Variants in ZNF280C observed in about 807,000 individuals in gnomAD.
ZNF280C encodes the protein suppressor of hairy wing homolog 3.
In ZNF280C, 14 loss-of-function variants were observed where a neutral mutation model predicts 53.6. The ratio of observed to expected loss-of-function variants is 0.26; its 90% CI spans 0.17 to 0.41. The LOEUF (loss-of-function observed/expected upper bound fraction) is 0.41. ZNF280C is among the 10% of genes least tolerant of loss of function. The probability of loss-of-function intolerance (pLI) is 1.00; values close to 1 mark genes in which losing one functional copy is unlikely to be tolerated. For synonymous variants in ZNF280C, 203 were observed against 181.1 expected (o/e 1.12, Z -0.97); for missense variants, 416 against 547.1 (o/e 0.76, Z 2.39).
intron 8 of ZNF280C, among the ~76,000 whole-genome samples, chrX:130,232,463 C>A (rs2032288037): frequency 9.2e-6 from 1 of 109,285 alleles, no homozygotes; most frequent in African/African-American, 3.3e-5. Context: ...GGGTTAAAAT[C>A]CAAAATATAT....
At chrX:130,225,562 C>T (rs2038977792) in intron 12 of ZNF280C, among the ~76,000 whole-genome samples, 1 of 108,283 alleles carries the variant, frequency 9.2e-6, no homozygotes, top group African/African-American at 3.4e-5. Context: ...TTACCAGGAA[C>T]AAGTTAAGAG....
intron 15 of ZNF280C, among the ~76,000 whole-genome samples, chrX:130,211,382 A>G (rs2032038927): frequency 8.9e-6 from 1 of 112,315 alleles, no homozygotes; most frequent in Non-Finnish European, 1.9e-5. Flanking sequence ...GAATATGAAG[A>G]GCCTATACAT....
At chrX:130,221,770 G>GC (rs1237224363) in intron 12 of ZNF280C, among the ~76,000 whole-genome samples, 2 of 111,590 alleles carry the variant, frequency 1.8e-5, no homozygotes, top group Non-Finnish European at 3.8e-5. Context: ...GCGGACTCTT[G>GC]CAAGAGCCTC....
Position 130,236,619 on chromosome X carries a change from C to T in ZNF280C, c.514G>A (p.Val172Met). The T allele has an allele frequency of 8.5e-7, 1 of 1,171,692 alleles. No homozygotes were observed. The part of the protein sequence containing the change: ...FREGMKNTSY[V>M]LKHPSTSKVN... Reference sequence around the variant, plus strand: ...TTAGAAGTAGAAGGATGTTTCAACACATATGAAGTATTTTTCATACCTACA... The same window carrying T: ...TTAGAAGTAGAAGGATGTTTCAACATATATGAAGTATTTTTCATACCTACA... Residue 172 changes from valine to methionine, a missense_variant, in exon 7 of 19, where the codon GTG becomes ATG. Val to Met is a conservative substitution (Grantham distance 21). This residue lies in a region of ZNF280C where 193 missense variants were observed against 201.4 expected (regional missense o/e 0.96). Transcript: ENST00000370978.
At chrX:130,243,523 T>C (rs929670116) in intron 5 of ZNF280C, 40 bp downstream of exon 5, 2 of 1,176,952 alleles carry the variant, frequency 1.7e-6, no homozygotes, top group Non-Finnish European at 2.3e-6. Context: ...TAATAGCCAA[T>C]GTGTCCCTGA....
intron 5 of ZNF280C, among the ~76,000 whole-genome samples, chrX:130,241,132 TCTTTAAAAGAGATAATAATAATACTCA>T (rs1321408909): frequency 9.0e-6 from 1 of 111,696 alleles, no homozygotes; most frequent in Non-Finnish European, 1.9e-5. Flanking sequence ...TTAAGCTATA[TCTTTAAAAGAGATAATAATAATACTCA>T]CTTTAAAAGA....
intron 5 of ZNF280C, among the ~76,000 whole-genome samples, chrX:130,240,454 C>CT (rs1307071894): frequency 8.9e-6 from 1 of 111,810 alleles, no homozygotes; most frequent in Non-Finnish European, 1.9e-5. Flanking sequence ...TGTGCTTACA[C>CT]TTTGAGAGAT....
At chrX:130,244,777 TAAAA>T (rs58124928) in intron 3 of ZNF280C, among the ~76,000 whole-genome samples, 55 of 65,409 alleles carry the variant, frequency 8.4e-4, no homozygotes, top group Middle Eastern at 8.8e-3. Flanking sequence ...GACTCCATCT[TAAAA>T]AAAAAAAAAA....
chrX:130,237,427 T>C (rs1471568600), intron 6 of ZNF280C, among the ~76,000 whole-genome samples: 1 of 111,836 alleles, frequency 8.9e-6, no homozygotes, highest in African/African-American at 3.2e-5. Context: ...AAGAATTTCA[T>C]TGCTAAAGAT....
chrX:130,221,686 TAA>T (rs759802322), intron 12 of ZNF280C, among the ~76,000 whole-genome samples: 1 of 110,684 alleles, frequency 9.0e-6, no homozygotes, highest in East Asian at 2.9e-4. Flanking sequence ...AGTGATACCT[TAA>T]AAAAAAATTT....
intron 4 of ZNF280C, 34 bp from the exon 5 acceptor site, chrX:130,243,733 A>T: frequency 8.5e-7 from 1 of 1,174,142 alleles, no homozygotes; most frequent in African/African-American, 1.8e-5. Flanking sequence ...TATTGAATAT[A>T]TTTCTATACA....
At chrX:130,260,837 A>G (rs1910187764) in intron 1 of ZNF280C, among the ~76,000 whole-genome samples, 1 of 111,635 alleles carries the variant, frequency 9.0e-6, no homozygotes, top group Non-Finnish European at 1.9e-5. Flanking sequence ...ACTTGAAAAA[A>G]TCGGAGTTAT....
chrX:130,240,640 G>A (rs968911206), intron 5 of ZNF280C, among the ~76,000 whole-genome samples: 14 of 112,362 alleles, frequency 1.2e-4, no homozygotes, highest in Non-Finnish European at 1.9e-4. Flanking sequence ...AACCTTTTCT[G>A]AGGTGACATC....
chrX:130,227,806 A>T (rs1468869859), intron 10 of ZNF280C, 24 bp from the exon 11 acceptor site: 1 of 867,719 alleles, frequency 1.2e-6, no homozygotes, highest in Non-Finnish European at 1.7e-6. Context: ...AAAACACATT[A>T]TACCATTTAA....
intron 1 of ZNF280C, among the ~76,000 whole-genome samples, chrX:130,265,273 T>C (rs974009961): frequency 6.3e-5 from 7 of 111,946 alleles, no homozygotes; most frequent in Non-Finnish European, 1.1e-4. Context: ...TTGCCTATAT[T>C]TTAAAACATT....
intron 2 of ZNF280C, among the ~76,000 whole-genome samples, chrX:130,252,024 G>A (rs1261881837): frequency 9.0e-6 from 1 of 111,721 alleles, no homozygotes; most frequent in African/African-American, 3.3e-5. Context: ...TGGGGCAGGG[G>A]AATCGCTTGA....
intron 1 of ZNF280C, among the ~76,000 whole-genome samples, chrX:130,260,994 T>C (rs1296903575): frequency 8.9e-6 from 1 of 112,337 alleles, no homozygotes; most frequent in Non-Finnish European, 1.9e-5. Context: ...GAAATATTAT[T>C]ACTATAAGAA....
intron 16 of ZNF280C, among the ~76,000 whole-genome samples, chrX:130,208,615 T>C (rs967770500): frequency 1.8e-5 from 2 of 112,295 alleles, no homozygotes; most frequent in Non-Finnish European, 3.8e-5. Context: ...TTCATTCTTA[T>C]AAGCATTTTT....
chrX:130,224,825 G>T (rs1235705124), intron 12 of ZNF280C, among the ~76,000 whole-genome samples: 1 of 111,558 alleles, frequency 9.0e-6, no homozygotes, highest in African/African-American at 3.3e-5. Flanking sequence ...AAAGCAGGTG[G>T]TCACCATAAC....
Sources: allele counts gnomAD v4.1 joint callset (sites outside exome capture counted in the v4.1 genomes callset), GRCh38; gene constraint gnomAD v4.1.1; regional missense constraint gnomAD v4.1.1; transcripts MANE v1.5; gene names NCBI Gene and HGNC (gene_info 2026-07-23, HGNC 2026-07-21).